Variants in PLCXD3 observed in about 807,000 individuals in gnomAD.
PLCXD3 encodes phosphatidylinositol specific phospholipase C X domain containing 3.
Under a neutral mutation model 25.5 loss-of-function variants are expected in PLCXD3, and 19 were observed. The observed-to-expected ratio is 0.75, with a 90% CI of 0.52 to 1.09. PLCXD3 has a LOEUF of 1.09. Ranked by LOEUF, PLCXD3 falls within the 50% of genes least tolerant of loss-of-function variation. PLCXD3 has a pLI of 0.00. For missense variants in PLCXD3, 411 were observed against 388.1 expected (o/e 1.06, Z -0.50); for synonymous variants, 174 against 137.6 (o/e 1.26, Z -1.85).
intron 1 of PLCXD3, among the ~76,000 whole-genome samples, chr5:41,502,093 GGAAA>G (rs1423857068): frequency 6.6e-6 from 1 of 152,072 alleles, no homozygotes; most frequent in Non-Finnish European, 1.5e-5. Context: ...TGATGACACA[GGAAA>G]GAGAGAGTGG....
chr5:41,335,286 G>A lies in PLCXD3; in HGVS notation c.813-21516C>T, dbSNP rs547916535. Among the ~76,000 whole-genome samples the A allele has an allele frequency of 3.3e-5, 5 of 152,300 alleles. No homozygotes were observed. The East Asian group carries it at 9.7e-4, about 29-fold the overall frequency. On this transcript the variant is annotated intron_variant, in intron 2 of 2. Transcript: ENST00000377801. ...AAGTTTTACATTTCTGATTTTGCTT[G>A]GAGCAAATATCTCAAGGACTATCTA...
In PLCXD3 at chr5:41,307,096, A is replaced by G; in HGVS notation, c.*6521T>C. The G allele has an allele frequency of 6.6e-6, 1 of 152,608 alleles. No individual in the cohort carries two copies. Among genetic ancestry groups the G allele is most frequent in the Non-Finnish European group, 1.5e-5 (1 of 68,022 alleles). The allele number at this position is 152,608 out of a possible 1,614,324, so 9.5% of individuals were successfully genotyped here. ...ATTTTCTTTACACCACATTTATTAA[A>G]GTATCAATAACCAGATCCTAAAAAG... On this transcript the variant is annotated 3_prime_UTR_variant, in exon 3 of 3. Coordinates refer to ENST00000377801, the MANE Select transcript of PLCXD3 (RefSeq NM_001005473.3).
chr5:41,392,525 G>A (rs1013097507), intron 1 of PLCXD3, among the ~76,000 whole-genome samples: 2 of 152,176 alleles, frequency 1.3e-5, no homozygotes, highest in Non-Finnish European at 2.9e-5. Context: ...CCCTAAAGCA[G>A]ATACCACTTA....
At chr5:41,463,513 G>C (rs577053936) in intron 1 of PLCXD3, among the ~76,000 whole-genome samples, 12 of 152,018 alleles carry the variant, frequency 7.9e-5, no homozygotes, top group African/African-American at 2.6e-4. Flanking sequence ...ATTTTGGGGG[G>C]ACACAAACGT....
Position 41,425,714 on chromosome 5 carries a change from T to G in PLCXD3, c.104-43180A>C, listed in dbSNP as rs117376964. On this transcript the variant is annotated intron_variant, in intron 1 of 2. Coordinates refer to ENST00000377801, the MANE Select transcript of PLCXD3 (RefSeq NM_001005473.3). ...ATTTTGTCGTTTTTAGAATGTCACA[T>G]AGTTGGAATTAAAAAGTATGGAGGC... 3.9e-5 allele frequency among the ~76,000 whole-genome samples: 6 copies of G among 152,324 alleles called. No homozygotes were observed. In the East Asian group the frequency reaches 7.7e-4, roughly 20 times the overall value.
intron 1 of PLCXD3, among the ~76,000 whole-genome samples, chr5:41,482,713 A>AG (rs1320026169): frequency 6.6e-6 from 1 of 152,242 alleles, no homozygotes; most frequent in Non-Finnish European, 1.5e-5. Context: ...ACAGGGCAAA[A>AG]GGTGTTTATG....
At position 41,465,970 on chromosome 5, in the gene PLCXD3, G is replaced by A. The variant is rs530906270; in HGVS notation, c.103+44454C>T. Among the ~76,000 whole-genome samples the A allele has an allele frequency of 6.6e-5, 10 of 151,988 alleles. No individual in the cohort carries two copies. The East Asian group carries it at 9.7e-4, about 15-fold the overall frequency. ...CTAAGAAAAGAAACTATCTAATTACGTCATTTTTACCTTTTCTCACTTTAT... is the reference window on the plus strand; with the variant it reads ...CTAAGAAAAGAAACTATCTAATTACATCATTTTTACCTTTTCTCACTTTAT... On this transcript the variant is annotated intron_variant, in intron 1 of 2. Transcript: ENST00000377801.
At chr5:41,331,204 C>G (rs1235325561) in intron 2 of PLCXD3, among the ~76,000 whole-genome samples, 2 of 152,140 alleles carry the variant, frequency 1.3e-5, no homozygotes, top group Admixed American at 6.5e-5. Flanking sequence ...ACCCCATTGT[C>G]TCAGCCCAAA....
intron 1 of PLCXD3, among the ~76,000 whole-genome samples, chr5:41,482,004 C>G (rs1748424928): frequency 6.6e-6 from 1 of 152,218 alleles, no homozygotes; most frequent in East Asian, 1.9e-4. Flanking sequence ...GTATGATGGG[C>G]TATCAGTTAT....
chr5:41,444,211 G>C (rs534615938), intron 1 of PLCXD3, among the ~76,000 whole-genome samples: 1 of 152,106 alleles, frequency 6.6e-6, no homozygotes, highest in Non-Finnish European at 1.5e-5. Context: ...CTTACCCTGG[G>C]TGTCTCCCAC....
At chr5:41,423,727 CCTGAGGT>C (rs1306318738) in intron 1 of PLCXD3, among the ~76,000 whole-genome samples, 1 of 152,108 alleles carries the variant, frequency 6.6e-6, no homozygotes, top group Non-Finnish European at 1.5e-5. Flanking sequence ...GGACGGATCA[CCTGAGGT>C]CAGGAGTTCG....
intron 1 of PLCXD3, among the ~76,000 whole-genome samples, chr5:41,414,926 G>T (rs1187519031): frequency 2.6e-5 from 4 of 152,166 alleles, no homozygotes; most frequent in Non-Finnish European, 5.9e-5. Context: ...ATAATGGCCT[G>T]AAAGCTCATG....
At chr5:41,473,281 T>C (rs906457131) in intron 1 of PLCXD3, among the ~76,000 whole-genome samples, 1 of 152,140 alleles carries the variant, frequency 6.6e-6, no homozygotes, top group Non-Finnish European at 1.5e-5. Context: ...GCAATCACTT[T>C]TGTGCTAAGA....
chr5:41,424,168 C>T (rs1286105265), intron 1 of PLCXD3, among the ~76,000 whole-genome samples: 3 of 152,044 alleles, frequency 2.0e-5, no homozygotes. Context: ...GGTTTAATTT[C>T]CTTTTTATTT....
rs1373006492 is a variant in PLCXD3 at position 41,465,752 on chromosome 5, A to G, written c.103+44672T>C. Among the ~76,000 whole-genome samples, 8 of 152,034 alleles carry G rather than the reference A, an allele frequency of 5.3e-5. No homozygotes were observed. In the East Asian group the frequency reaches 1.4e-3, roughly 26 times the overall value. On this transcript the variant is annotated intron_variant, in intron 1 of 2. Transcript: ENST00000377801. ...CTGAAAACTGGATTGGCCATTATGA[A>G]CATCTATTCTTAGCTCTGCTCTTGA... is the stretch of plus-strand genomic sequence containing the variant.
rs115155806 is a variant in PLCXD3, at chr5:41,421,097, T to C, written c.104-38563A>G. On this transcript the variant is annotated intron_variant, in intron 1 of 2. Transcript: ENST00000377801. ...AAGCCCTAAAGAAGTTATTTTCTGG[T>C]AACATAAAAATGGAAAGATATGCCT... Among the ~76,000 whole-genome samples, 1,064 of 152,240 alleles carry C rather than the reference T, an allele frequency of 7.0e-3. 12 individuals are homozygous for C. The highest frequency in any genetic ancestry group is 0.024 in the African/African-American group (1,000 of 41,532).
At chr5:41,371,506 T>C (rs142782808) in intron 2 of PLCXD3, among the ~76,000 whole-genome samples, 4 of 152,138 alleles carry the variant, frequency 2.6e-5, no homozygotes, top group East Asian at 3.9e-4. Context: ...TATAGACTTG[T>C]CCTTGCTTTC....
At chr5:41,476,648 T>C (rs190838669) in intron 1 of PLCXD3, among the ~76,000 whole-genome samples, 1 of 152,330 alleles carries the variant, frequency 6.6e-6, no homozygotes, top group African/African-American at 2.4e-5. Flanking sequence ...TGTGCTTTTT[T>C]CCCCCTGATT....
chr5:41,483,365 G>A (rs1748453739), intron 1 of PLCXD3, among the ~76,000 whole-genome samples: 1 of 152,152 alleles, frequency 6.6e-6, no homozygotes, highest in Non-Finnish European at 1.5e-5. Flanking sequence ...GATGCGAAAT[G>A]ACCTAAGTTC....
Sources: allele counts gnomAD v4.1 joint callset (sites outside exome capture counted in the v4.1 genomes callset), GRCh38; gene constraint gnomAD v4.1.1; transcripts MANE v1.5; gene names NCBI Gene and HGNC (gene_info 2026-07-23, HGNC 2026-07-21).